HSPA12A: variants seen among roughly 807,000 people sequenced by gnomAD.
HSPA12A encodes the protein heat shock protein family A (Hsp70) member 12A.
In HSPA12A, 28 loss-of-function variants were observed where a neutral mutation model predicts 69.2. The observed-to-expected ratio is 0.40, with a 90% CI of 0.30 to 0.55. The LOEUF (loss-of-function observed/expected upper bound fraction) is 0.55. Among genes scored for constraint, HSPA12A ranks in the 20% least tolerant of loss-of-function variants. HSPA12A has a pLI of 0.38. For missense variants in HSPA12A, 686 were observed against 900.7 expected, an observed-to-expected ratio of 0.76 and a Z score of 3.05; for synonymous variants, 345 against 370.5, an observed-to-expected ratio of 0.93 and a Z score of 0.79.
At chr10:116,772,179 G>A (rs1844227303) in intron 2 of HSPA12A, among the ~76,000 whole-genome samples, 1 of 152,144 alleles carries the variant, frequency 6.6e-6, no homozygotes, top group Non-Finnish European at 1.5e-5. Context: ...AAGTGGAGAT[G>A]TCCAGATAAG....
At chr10:116,698,790 G>A (rs1554881248) in intron 4 of HSPA12A, 51 bp from the exon 5 acceptor site, 1 of 1,419,462 alleles carries the variant, frequency 7.0e-7, no homozygotes, top group Non-Finnish European at 9.9e-7. Context: ...GGAGAAACAT[G>A]TCTCCTGGCT....
intron 1 of HSPA12A, among the ~76,000 whole-genome samples, chr10:116,728,867 C>T (rs1330777569): frequency 6.6e-6 from 1 of 152,194 alleles, no homozygotes; most frequent in South Asian, 2.1e-4. Flanking sequence ...GCTCTGTGAC[C>T]AGGGGCAGGT....
intron 2 of HSPA12A, among the ~76,000 whole-genome samples, chr10:116,758,309 G>C (rs1049074095): frequency 6.6e-5 from 10 of 152,178 alleles, no homozygotes; most frequent in Admixed American, 3.3e-4. Context: ...CCATGTCCAG[G>C]CCTCCTCAAT....
chr10:116,835,599 C>G (rs1037279605), intron 1 of HSPA12A, among the ~76,000 whole-genome samples: 2 of 152,194 alleles, frequency 1.3e-5, no homozygotes, highest in African/African-American at 4.8e-5. Flanking sequence ...CCCACAGTTA[C>G]ATTAGCTATT....
intron 4 of HSPA12A, among the ~76,000 whole-genome samples, chr10:116,700,179 T>C (rs1371261721): frequency 1.3e-5 from 2 of 152,244 alleles, no homozygotes; most frequent in Non-Finnish European, 2.9e-5. Context: ...AGTGACCAGA[T>C]TGAAACCCAG....
rs576162806 is a variant in HSPA12A, at chr10:116,786,375, C to A, written c.91+48560G>T. On this transcript the variant is annotated intron_variant, in intron 2 of 12. Transcript: ENST00000635765. Reference sequence around the variant, plus strand: ...CAGGACTCTAGGGAGGTCTAGGGAGCAGCTCCAGGGCCTATGGCCCCTCAG... The same window carrying A: ...CAGGACTCTAGGGAGGTCTAGGGAGAAGCTCCAGGGCCTATGGCCCCTCAG... Among the ~76,000 whole-genome samples, 256 of 151,902 alleles carry A rather than the reference C, an allele frequency of 1.7e-3. 2 individuals are homozygous for A. The highest frequency in any genetic ancestry group is 2.4e-3 in the Non-Finnish European group (166 of 67,988).
At chr10:116,681,116 C>T (rs1554878512) in intron 9 of HSPA12A, 36 bp downstream of exon 9, 1 of 1,441,598 alleles carries the variant, frequency 6.9e-7, no homozygotes, top group African/African-American at 1.4e-5. Flanking sequence ...CTGGAATTGG[C>T]TCAGGAATAA....
At chr10:116,742,647 G>T (rs1554887409), upstream of HSPA12A, 3 of 988,608 alleles carry the variant, frequency 3.0e-6, no homozygotes, top group East Asian at 2.0e-4. Context: ...GCCCCGGCCC[G>T]CCCGGCGCCC....
At chr10:116,679,406 A>C in intron 10 of HSPA12A, 97 bp downstream of exon 10, 1 of 1,469,338 alleles carries the variant, frequency 6.8e-7, no homozygotes, top group Non-Finnish European at 9.3e-7. Flanking sequence ...GCAAGTGTGT[A>C]GGATTGGAAC....
At chr10:116,750,307 T>C (rs1164217927) in intron 2 of HSPA12A, 10 of 773,282 alleles carry the variant, frequency 1.3e-5, no homozygotes, top group Non-Finnish European at 1.8e-5. Context: ...AAAGCACTTA[T>C]GGTCAGCCTG....
chr10:116,707,713 G>A (rs553925079), intron 1 of HSPA12A, among the ~76,000 whole-genome samples: 15 of 152,086 alleles, frequency 9.9e-5, no homozygotes, highest in South Asian at 2.1e-4. Context: ...TACAGCCCTC[G>A]GGTTCCCAAA....
chr10:116,717,016 ACT>A (rs1173709606), intron 1 of HSPA12A, among the ~76,000 whole-genome samples: 1 of 152,044 alleles, frequency 6.6e-6, no homozygotes, highest in Non-Finnish European at 1.5e-5. Context: ...CAAACCCAGC[ACT>A]CTATTGGGAA....
intron 2 of HSPA12A, among the ~76,000 whole-genome samples, chr10:116,772,295 A>G (rs1385876139): frequency 6.6e-6 from 1 of 152,106 alleles, no homozygotes; most frequent in Non-Finnish European, 1.5e-5. Context: ...TGAAGAGAGG[A>G]GATCCCAGGA....
At chr10:116,839,295 T>TACTG (rs1845765721) in intron 1 of HSPA12A, among the ~76,000 whole-genome samples, 1 of 152,188 alleles carries the variant, frequency 6.6e-6, no homozygotes, top group Non-Finnish European at 1.5e-5. Context: ...AGTCAGACAT[T>TACTG]ACTGAAGCTG....
intron 1 of HSPA12A, among the ~76,000 whole-genome samples, chr10:116,847,469 T>G (rs1845912187): frequency 6.6e-6 from 1 of 152,216 alleles, no homozygotes; most frequent in African/African-American, 2.4e-5. Context: ...TTGTGGTTGC[T>G]TCCTTCTCTT....
chr10:116,724,270 T>A (rs1341127180), intron 1 of HSPA12A, among the ~76,000 whole-genome samples: 1 of 152,196 alleles, frequency 6.6e-6, no homozygotes, highest in Non-Finnish European at 1.5e-5. Flanking sequence ...TCTCTCCCCA[T>A]GGGATCTTTT....
Position 116,676,465 on chromosome 10 carries a change from G to A in HSPA12A, c.1324C>T (p.Arg442Trp), listed in dbSNP as rs782368186. ...FVKWSSQGMLRMSPDAMNALF... is the reference protein window; with the variant it reads ...FVKWSSQGMLWMSPDAMNALF... ...GCGTTCATGGCATCTGGACTCATCCGCAGCATCCCCTGCGAGGACCACTTC... is the reference window on the plus strand; with the variant it reads ...GCGTTCATGGCATCTGGACTCATCCACAGCATCCCCTGCGAGGACCACTTC... Residue 442 changes from arginine (R) to tryptophan (W), a missense_variant, in exon 11 of 12, where the codon CGG becomes TGG. Transcript: ENST00000369209. 3 of 1,613,942 alleles carry A rather than the reference G, an allele frequency of 1.9e-6. No homozygotes were observed. Among genetic ancestry groups the A allele is most frequent in the Non-Finnish European group, 1.7e-6 (2 of 1,179,992 alleles).
intron 1 of HSPA12A, among the ~76,000 whole-genome samples, chr10:116,846,370 T>TTG (rs1845884880): frequency 6.7e-6 from 1 of 149,314 alleles, no homozygotes; most frequent in African/African-American, 2.5e-5. Flanking sequence ...GTTTTTTTGA[T>TTG]GCAGAGTCTC....
At chr10:116,819,575 A>G (rs1185317339) in intron 2 of HSPA12A, among the ~76,000 whole-genome samples, 1 of 152,136 alleles carries the variant, frequency 6.6e-6, no homozygotes, top group Non-Finnish European at 1.5e-5. Flanking sequence ...ACCAGACACC[A>G]AATCAGTTGG....
Sources: allele counts gnomAD v4.1 joint callset (sites outside exome capture counted in the v4.1 genomes callset), GRCh38; gene constraint gnomAD v4.1.1; transcripts MANE v1.5; gene names NCBI Gene and HGNC (gene_info 2026-07-23, HGNC 2026-07-21).